Variants in ELOVL4 observed in about 807,000 individuals in gnomAD.
ELOVL4 encodes ELOVL fatty acid elongase 4, also known as very long chain fatty acid elongase 4.
A neutral mutation model predicts 42.1 loss-of-function variants in ELOVL4; 18 were observed. That is an observed-to-expected ratio of 0.43 (90% CI 0.30 to 0.63). The LOEUF (loss-of-function observed/expected upper bound fraction) is 0.63, where lower values mean the gene tolerates loss of function less well. ELOVL4 is among the 30% of genes least tolerant of loss of function. The probability of loss-of-function intolerance (pLI) is 0.15; values close to 1 mark genes in which losing one functional copy is unlikely to be tolerated. For synonymous variants in ELOVL4, 117 were observed against 127.0 expected (o/e 0.92, Z 0.53); for missense variants, 299 against 376.2 (o/e 0.79, Z 1.70).
At chr6:79,938,281 CAATGCTGCCA>C (rs1369307831) in intron 1 of ELOVL4, among the ~76,000 whole-genome samples, 2 of 152,128 alleles carry the variant, frequency 1.3e-5, no homozygotes, top group African/African-American at 2.4e-5. Context: ...ACCATCCACC[CAATGCTGCCA>C]ATGAACTCAA....
At chr6:79,941,389 C>G (rs1774642634) in intron 1 of ELOVL4, among the ~76,000 whole-genome samples, 1 of 152,180 alleles carries the variant, frequency 6.6e-6, no homozygotes, top group Non-Finnish European at 1.5e-5. Flanking sequence ...CACTTCCACA[C>G]AAGGCAATGC....
At chr6:79,947,076 G>T in intron 1 of ELOVL4, 104 bp downstream of exon 1, 2 of 942,382 alleles carry the variant, frequency 2.1e-6, no homozygotes, top group Non-Finnish European at 3.3e-6. Context: ...TCCGAAAGCC[G>T]CAGGGCGCGG....
intron 1 of ELOVL4, among the ~76,000 whole-genome samples, chr6:79,945,716 A>G (rs1774729125): frequency 6.6e-6 from 1 of 152,188 alleles, no homozygotes; most frequent in Non-Finnish European, 1.5e-5. Context: ...AAAGAACCGA[A>G]ATCACAGACG....
At chr6:79,941,650 C>G (rs1208176536) in intron 1 of ELOVL4, among the ~76,000 whole-genome samples, 1 of 152,060 alleles carries the variant, frequency 6.6e-6, no homozygotes, top group Admixed American at 6.6e-5. Flanking sequence ...TCACATGACA[C>G]CAGGAGTTTA....
At chr6:79,921,435 T>C (rs1774252825) in intron 4 of ELOVL4, among the ~76,000 whole-genome samples, 190 bp downstream of exon 4, 1 of 113,574 alleles carries the variant, frequency 8.8e-6, no homozygotes, top group Admixed American at 1.4e-4. Context: ...CACTCCAGCC[T>C]GGTGACAGAG....
chr6:79,946,467 C>G (rs1054738552), intron 1 of ELOVL4, among the ~76,000 whole-genome samples: 6 of 152,076 alleles, frequency 3.9e-5, no homozygotes, highest in Non-Finnish European at 5.9e-5. Context: ...TGTAGAGACC[C>G]CCTTCCTAAA....
chr6:79,946,705 A>G (rs1039100775), intron 1 of ELOVL4, among the ~76,000 whole-genome samples: 21 of 152,244 alleles, frequency 1.4e-4, no homozygotes, highest in African/African-American at 4.6e-4. Flanking sequence ...GTTCTGTCAA[A>G]GCGACCAGGA....
rs1286534841 is a variant in ELOVL4, at chr6:79,921,924, T to C, written c.370-128A>G. On this transcript the variant is annotated intron_variant, in intron 3 of 5. Transcript: ENST00000369816. ...AATGTACAAGGCATGGAATCATTAA[T>C]GGCTAAGTAGGTTTGAAAAACCTAA... 25 of 896,842 alleles carry C rather than the reference T, an allele frequency of 2.8e-5. No homozygotes were observed. In the Middle Eastern group the frequency reaches 9.8e-4, roughly 35 times the overall value. 55.6% of individuals were successfully genotyped at this position (896,842 alleles called of 1,614,324 possible).
intron 1 of ELOVL4, among the ~76,000 whole-genome samples, chr6:79,936,027 G>A (rs1488607404): frequency 2.6e-5 from 4 of 152,078 alleles, no homozygotes; most frequent in African/African-American, 9.7e-5. Flanking sequence ...GCACTGCTCT[G>A]GTCTACTCAG....
At chr6:79,935,728 T>A (rs941062991) in intron 1 of ELOVL4, among the ~76,000 whole-genome samples, 1 of 152,196 alleles carries the variant, frequency 6.6e-6, no homozygotes, top group African/African-American at 2.4e-5. Flanking sequence ...CCTGTTAGGA[T>A]AAAAAATAAT....
chr6:79,921,719 C>T lies in ELOVL4; in HGVS notation c.447G>A (p.Lys149=). 1 of 1,613,970 alleles carries T rather than the reference C, an allele frequency of 6.2e-7. No homozygotes were observed. The highest frequency in any genetic ancestry group is 8.5e-7 in the Non-Finnish European group (1 of 1,179,916). ...YLDTVFFILR[K]KNNQVSFLHV... ...GAAGGAAAGAAACTTGGTTGTTTTTCTTTCTCAGAATAAAAAACACTGTGT... is the reference window on the plus strand; with the variant it reads ...GAAGGAAAGAAACTTGGTTGTTTTTTTTTCTCAGAATAAAAAACACTGTGT... Residue 149 remains lysine, a synonymous_variant, in exon 4 of 6, where the codon AAG becomes AAA. Transcript: ENST00000369816.
Position 79,925,036 on chromosome 6 carries a change from G to GA in ELOVL4, c.289-5dup, listed in dbSNP as rs763108811. The GA allele has an allele frequency of 2.5e-5, 39 of 1,574,650 alleles. No individual in the cohort carries two copies. In the Admixed American group the frequency reaches 6.4e-4, roughly 26 times the overall value. On this transcript the variant is annotated splice_polypyrimidine_tract_variant and splice_region_variant and intron_variant, in intron 2 of 5. Transcript: ENST00000369816. ...CATTATATGATCCCATGAATAACTG[G>GA]AAAAAGAGTAATAATATTTGTAGTA...
chr6:79,922,633 G>C (rs370818826), intron 3 of ELOVL4, among the ~76,000 whole-genome samples: 2 of 152,112 alleles, frequency 1.3e-5, no homozygotes, highest in Non-Finnish European at 2.9e-5. Flanking sequence ...TAACAATTAA[G>C]GCAGTACATA....
chr6:79,944,192 AT>A (rs1774697732), intron 1 of ELOVL4, among the ~76,000 whole-genome samples: 1 of 152,220 alleles, frequency 6.6e-6, no homozygotes, highest in African/African-American at 2.4e-5. Flanking sequence ...GTATTCATAG[AT>A]TGGGGAATAT....
At chr6:79,944,729 T>C (rs555746458) in intron 1 of ELOVL4, among the ~76,000 whole-genome samples, 62 of 152,276 alleles carry the variant, frequency 4.1e-4, no homozygotes, top group African/African-American at 1.5e-3. Context: ...GCACTAGGAA[T>C]GAGAGCAGCC....
At chr6:79,918,126 C>G (rs1055092469) in intron 5 of ELOVL4, among the ~76,000 whole-genome samples, 22 of 151,918 alleles carry the variant, frequency 1.4e-4, no homozygotes, top group African/African-American at 5.3e-4. Context: ...TAGCATTGTT[C>G]TTAAAATATT....
chr6:79,938,321 T>C (rs1774583301), intron 1 of ELOVL4, among the ~76,000 whole-genome samples: 1 of 152,188 alleles, frequency 6.6e-6, no homozygotes, highest in Admixed American at 6.5e-5. Context: ...AAAATTGAAA[T>C]GGTGTTTCCC....
At chr6:79,945,378 C>G (rs530866269) in intron 1 of ELOVL4, among the ~76,000 whole-genome samples, 6 of 152,266 alleles carry the variant, frequency 3.9e-5, no homozygotes, top group African/African-American at 1.4e-4. Context: ...CTTTCACATG[C>G]GGCAACTGCA....
Position 79,927,337 on chromosome 6 carries a change from T to C in ELOVL4, c.101-956A>G, listed in dbSNP as rs183085682. ...CTAATTTCTAGTTTATTCTTGGCAA[T>C]GCAAAACATTTTATGTCGTATTTTG... On this transcript the variant is annotated intron_variant, in intron 1 of 5. Coordinates refer to ENST00000369816, the MANE Select transcript of ELOVL4 (RefSeq NM_022726.4). Among the ~76,000 whole-genome samples, 440 of 152,254 alleles carry C rather than the reference T, an allele frequency of 2.9e-3. 1 individual carries two copies. The highest frequency in any genetic ancestry group is 5.2e-3 in the Non-Finnish European group (355 of 67,994).
Sources: allele counts gnomAD v4.1 joint callset (sites outside exome capture counted in the v4.1 genomes callset), GRCh38; gene constraint gnomAD v4.1.1; transcripts MANE v1.5; gene names NCBI Gene and HGNC (gene_info 2026-07-23, HGNC 2026-07-21).